Variants in THAP5 observed in about 807,000 individuals in gnomAD.
THAP5 encodes THAP domain-containing protein 5.
Under a neutral mutation model 34.0 loss-of-function variants are expected in THAP5, and 26 were observed. The ratio of observed to expected loss-of-function variants is 0.77; its 90% CI spans 0.56 to 1.06. The LOEUF is 1.06. Ranked by LOEUF, THAP5 falls within the 50% of genes least tolerant of loss-of-function variation. The pLI is 0.00. For missense variants in THAP5, 394 were observed against 452.8 expected, an observed-to-expected ratio of 0.87 and a Z score of 1.18; for synonymous variants, 125 against 153.0, an observed-to-expected ratio of 0.82 and a Z score of 1.35.
chr7:108,558,381 G>GTATATATATATATA (rs66806128), downstream of THAP5, among the ~76,000 whole-genome samples: 601 of 93,698 alleles, frequency 6.4e-3, 6 homozygotes, highest in Non-Finnish European at 8.2e-3. Flanking sequence ...GTGTGTGTAT[G>GTATATATATATATA]TATATATATA....
chr7:108,550,928 A>G (rs1238930187), downstream of THAP5, among the ~76,000 whole-genome samples: 3 of 152,028 alleles, frequency 2.0e-5, no homozygotes, highest in African/African-American at 4.8e-5. Context: ...CTTCCTTTCT[A>G]TCTTTTGGCT....
intron 1 of THAP5, among the ~76,000 whole-genome samples, chr7:108,567,599 T>G (rs1216493584): frequency 6.6e-6 from 1 of 152,222 alleles, no homozygotes; most frequent in Non-Finnish European, 1.5e-5. Context: ...GTTCAATTCA[T>G]TTGATAATTT....
rs1194032011 is a variant in THAP5 at position 108,564,477 on chromosome 7, G to T, written c.902C>A (p.Thr301Lys). ...AQKETTEMED[T>K]DIEDSLYKDV... is the part of the protein sequence containing the mutation. ...CTTATACAAGGAGTCTTCAATGTCT[G>T]TGTCTTCCATTTCCGTGGTTTCTTT... is the stretch of plus-strand genomic sequence containing the variant. The change falls in exon 3 of 3, where the codon ACA becomes AAA. Residue 301 changes from threonine (T) to lysine (K), a missense_variant. Transcript: ENST00000415914. 1.2e-6 allele frequency: 2 copies of T among 1,613,908 alleles called. No homozygotes were observed. Among genetic ancestry groups the T allele is most frequent in the East Asian group, 2.2e-5 (1 of 44,822 alleles).
chr7:108,565,808 C>T, intron 2 of THAP5, 22 bp downstream of exon 2: 2 of 1,519,266 alleles, frequency 1.3e-6, no homozygotes, highest in Non-Finnish European at 8.8e-7. Context: ...CTCAGCATTA[C>T]CCCTCTCCCA....
At chr7:108,567,478 TAAAA>T (rs1430139458) in intron 1 of THAP5, among the ~76,000 whole-genome samples, 1 of 152,030 alleles carries the variant, frequency 6.6e-6, no homozygotes, top group Non-Finnish European at 1.5e-5. Flanking sequence ...ATCAACTCAT[TAAAA>T]AAAACTTTGT....
In THAP5 at chr7:108,564,025, T is replaced by C. The variant is rs1340036412; in HGVS notation, c.*166A>G. 7.5e-6 allele frequency: 4 copies of C among 531,626 alleles called. No individual in the cohort carries two copies. The highest frequency in any genetic ancestry group is 1.2e-5 in the Non-Finnish European group (4 of 321,356). The allele number at this position is 531,626 out of a possible 1,614,324, so 32.9% of individuals were successfully genotyped here. A position where few individuals can be genotyped will look rare whatever the true frequency, so the allele number is the denominator to read the frequency against. On this transcript the variant is annotated 3_prime_UTR_variant, in exon 3 of 3. Transcript: ENST00000415914. ...TTCTCTCCAGCCCAACTCTCTGGTT[T>C]TTCTTAAATAAGTATTACAAGAATA...
chr7:108,569,092 G>A, intron 1 of THAP5: 2 of 1,039,622 alleles, frequency 1.9e-6, no homozygotes, highest in Non-Finnish European at 2.3e-6. Flanking sequence ...ATACCTATGC[G>A]ACCTACCTCG....
At chr7:108,548,637 A>G in the THAP5 span, among the ~76,000 whole-genome samples, 5 of 152,330 alleles carry the variant, frequency 3.3e-5, no homozygotes, top group South Asian at 1.0e-3. Context: ...AGGCCTCACA[A>G]TCATGACTGA....
downstream of THAP5, among the ~76,000 whole-genome samples, chr7:108,549,910 C>T (rs1324449756): frequency 2.0e-5 from 3 of 152,116 alleles, no homozygotes; most frequent in South Asian, 4.1e-4. Context: ...TCTCTAGTAA[C>T]GTTGTATTGG....
downstream of THAP5, among the ~76,000 whole-genome samples, chr7:108,557,209 GCCTTT>G (rs1864392336): frequency 6.6e-6 from 1 of 152,238 alleles, no homozygotes; most frequent in Non-Finnish European, 1.5e-5. Context: ...TGCCCTGGAA[GCCTTT>G]TCCCCATTGT....
chr7:108,568,899 G>T (rs1012021865), intron 1 of THAP5, among the ~76,000 whole-genome samples: 2 of 152,196 alleles, frequency 1.3e-5, no homozygotes, highest in African/African-American at 4.8e-5. Flanking sequence ...TCAGTAGTTT[G>T]ATGGAAATAT....
chr7:108,565,598 T>G (rs969154569), intron 2 of THAP5: 2 of 336,024 alleles, frequency 6.0e-6, no homozygotes, highest in African/African-American at 4.3e-5. Flanking sequence ...ATAAAACTCA[T>G]GAACTTGTGT....
intron 1 of THAP5, among the ~76,000 whole-genome samples, chr7:108,568,930 G>C (rs182622271): frequency 6.6e-6 from 1 of 152,160 alleles, no homozygotes; most frequent in African/African-American, 2.4e-5. Context: ...TAGTAATTCA[G>C]AGTAACAGAA....
downstream of THAP5, among the ~76,000 whole-genome samples, chr7:108,553,225 A>G (rs1864364894): frequency 6.6e-6 from 1 of 151,110 alleles, no homozygotes; most frequent in Non-Finnish European, 1.5e-5. Flanking sequence ...TTTTTTTTTT[A>G]ATAGACAGGG....
chr7:108,569,198 G>T, intron 1 of THAP5: 1 of 1,307,354 alleles, frequency 7.6e-7, no homozygotes, highest in Non-Finnish European at 9.8e-7. Context: ...ATGAGATCAC[G>T]TGAAGTGGGG....
At chr7:108,543,383 G>A in the THAP5 span, among the ~76,000 whole-genome samples, 2 of 152,174 alleles carry the variant, frequency 1.3e-5, no homozygotes, top group East Asian at 1.9e-4. Context: ...CTAGGTTTGG[G>A]AGCCCTAGAA....
At chr7:108,566,069 T>C in intron 1 of THAP5, 47 bp from the exon 2 acceptor site, 1 of 1,464,422 alleles carries the variant, frequency 6.8e-7, no homozygotes, top group South Asian at 1.5e-5. Flanking sequence ...CTTTGCTATA[T>C]TTTTACAATT....
downstream of THAP5, among the ~76,000 whole-genome samples, chr7:108,559,546 T>A (rs1001167155): frequency 1.3e-5 from 2 of 152,210 alleles, no homozygotes; most frequent in Non-Finnish European, 2.9e-5. Flanking sequence ...TCCTTCTCCT[T>A]AAGTTTTCTA....
the THAP5 span, among the ~76,000 whole-genome samples, chr7:108,546,082 G>T: frequency 6.6e-6 from 1 of 152,126 alleles, no homozygotes; most frequent in Admixed American, 6.5e-5. Context: ...ATAGTAAATA[G>T]ATCTAAGCAT....
Sources: allele counts gnomAD v4.1 joint callset (sites outside exome capture counted in the v4.1 genomes callset), GRCh38; gene constraint gnomAD v4.1.1; transcripts MANE v1.5; gene names NCBI Gene and HGNC (gene_info 2026-07-23, HGNC 2026-07-21).